Variants in FAM222B observed in about 807,000 individuals in gnomAD.
FAM222B encodes family with sequence similarity 222 member B.
A neutral mutation model predicts 38.0 loss-of-function variants in FAM222B; 12 were observed. The observed-to-expected ratio is 0.32, with a 90% confidence interval of 0.20 to 0.51. The LOEUF (loss-of-function observed/expected upper bound fraction) is 0.51. FAM222B is among the 20% of genes least tolerant of loss of function. The probability of loss-of-function intolerance (pLI) is 0.97; values close to 1 mark genes in which losing one functional copy is unlikely to be tolerated. For synonymous variants in FAM222B, 329 were observed against 317.2 expected, an observed-to-expected ratio of 1.04 and a Z score of -0.40; for missense variants, 716 against 754.2, an observed-to-expected ratio of 0.95 and a Z score of 0.59.
At chr17:28,772,697 C>T (rs922440094) in intron 1 of FAM222B, among the ~76,000 whole-genome samples, 1 of 151,982 alleles carries the variant, frequency 6.6e-6, no homozygotes, top group African/African-American at 2.4e-5. Flanking sequence ...GAGTTCGAGA[C>T]CAGCCTGGCC....
At chr17:28,793,937 C>A (rs962603765) in intron 1 of FAM222B, among the ~76,000 whole-genome samples, 2 of 151,936 alleles carry the variant, frequency 1.3e-5, no homozygotes, top group African/African-American at 4.8e-5. Flanking sequence ...TTAGTAGAGA[C>A]AGGGTTTCTC....
intron 1 of FAM222B, among the ~76,000 whole-genome samples, chr17:28,768,565 G>A (rs1387332155): frequency 6.6e-6 from 1 of 151,884 alleles, no homozygotes; most frequent in Non-Finnish European, 1.5e-5. Flanking sequence ...GGCCGGGCAC[G>A]GTGGCTCACA....
At chr17:28,764,291 A>C (rs2035226463) in intron 2 of FAM222B, among the ~76,000 whole-genome samples, 1 of 151,152 alleles carries the variant, frequency 6.6e-6, no homozygotes. Flanking sequence ...AAAAAAAAAA[A>C]AAAGGGCCGG....
At chr17:28,766,973 A>G (rs1199783675) in intron 1 of FAM222B, 2 of 353,706 alleles carry the variant, frequency 5.7e-6, no homozygotes, top group Non-Finnish European at 1.1e-5. Context: ...ATACAACTGG[A>G]AAGTACAGGT....
upstream of FAM222B, among the ~76,000 whole-genome samples, chr17:28,844,977 CCTGTAGTCCCAGCTA>C (rs1386662581): frequency 6.6e-6 from 1 of 151,818 alleles, no homozygotes; most frequent in African/African-American, 2.4e-5. Context: ...GTGGCATGCA[CCTGTAGTCCCAGCTA>C]CTCAGGAGGC....
chr17:28,790,779 T>A (rs530329186), intron 1 of FAM222B, among the ~76,000 whole-genome samples: 1 of 151,660 alleles, frequency 6.6e-6, no homozygotes, highest in Admixed American at 6.6e-5. Context: ...ACTAAAGTAT[T>A]CAAGGATGAT....
At chr17:28,825,161 A>T (rs141339459) in intron 1 of FAM222B, among the ~76,000 whole-genome samples, 2,261 of 151,926 alleles carry the variant, frequency 0.015, 37 homozygotes, top group South Asian at 0.066. Context: ...GGCTGGGTGC[A>T]GTGGCTCACG....
intron 1 of FAM222B, among the ~76,000 whole-genome samples, chr17:28,823,166 A>T (rs1039525920): frequency 3.9e-5 from 6 of 152,048 alleles, no homozygotes; most frequent in African/African-American, 1.4e-4. Flanking sequence ...TACCAAACAA[A>T]AACAAAAAAA....
chr17:28,763,269 G>A lies in FAM222B; in HGVS notation c.82+3317C>T, dbSNP rs565717814. ...CCTACTTCACAGAATTACTAAGATCGAGAGTCAATGAACATTTTCACTAAA... is the reference window on the plus strand; with the variant it reads ...CCTACTTCACAGAATTACTAAGATCAAGAGTCAATGAACATTTTCACTAAA... On this transcript the variant is annotated intron_variant, in intron 2 of 2. Transcript: ENST00000581407. Among the ~76,000 whole-genome samples the A allele has an allele frequency of 5.3e-5, 8 of 152,266 alleles. No homozygotes were observed. In the East Asian group the frequency reaches 9.7e-4, roughly 18 times the overall value.
chr17:28,854,868 C>G, intron 1 of FAM222B: 1 of 680,816 alleles, frequency 1.5e-6, no homozygotes, highest in Non-Finnish European at 2.4e-6. Context: ...TTCCCCTTTC[C>G]TTAGCCTCCA....
At chr17:28,796,375 C>T (rs1490188057) in intron 1 of FAM222B, among the ~76,000 whole-genome samples, 1 of 152,152 alleles carries the variant, frequency 6.6e-6, no homozygotes. Context: ...TCAGCAATTC[C>T]AGTTAATACC....
Position 28,770,531 on chromosome 17 carries a change from C to G in FAM222B, c.-40-3824G>C, listed in dbSNP as rs557838594. On this transcript the variant is annotated intron_variant, in intron 1 of 2. Coordinates refer to ENST00000581407, the MANE Select transcript of FAM222B (RefSeq NM_001077498.3). ...GATTCTCCTGCCTCAGCCTCCCAAG[C>G]AGCTGGGATTACAGGTATGCACCAC... 7.9e-5 allele frequency among the ~76,000 whole-genome samples: 12 copies of G among 151,656 alleles called. No individual in the cohort carries two copies. The South Asian group carries it at 2.5e-3, about 32-fold the overall frequency.
At chr17:28,774,861 G>T (rs915223159) in intron 1 of FAM222B, among the ~76,000 whole-genome samples, 4 of 151,808 alleles carry the variant, frequency 2.6e-5, no homozygotes, top group African/African-American at 9.7e-5. Context: ...AGAATCGCTT[G>T]AACTCGGGAG....
At chr17:28,799,236 G>C (rs1208576878) in intron 1 of FAM222B, among the ~76,000 whole-genome samples, 1 of 151,198 alleles carries the variant, frequency 6.6e-6, no homozygotes, top group Non-Finnish European at 1.5e-5. Flanking sequence ...GCCTCCCAAA[G>C]TGCTGGGATT....
At chr17:28,777,079 T>G (rs1324523889) in intron 1 of FAM222B, 1 of 152,166 alleles carries the variant, frequency 6.6e-6, no homozygotes, top group African/African-American at 2.4e-5. Flanking sequence ...CTCAAAGGCC[T>G]TTTTCTTCTC....
intron 1 of FAM222B, among the ~76,000 whole-genome samples, chr17:28,832,304 T>A (rs956937046): frequency 6.6e-6 from 1 of 152,250 alleles, no homozygotes; most frequent in Non-Finnish European, 1.5e-5. Flanking sequence ...TGCACAGCTG[T>A]TCTGAGATTT....
At chr17:28,763,137 T>C (rs2035166027) in intron 2 of FAM222B, among the ~76,000 whole-genome samples, 1 of 152,170 alleles carries the variant, frequency 6.6e-6, no homozygotes, top group Non-Finnish European at 1.5e-5. Context: ...AGGAAATCTG[T>C]AGTTTGTAAA....
At chr17:28,783,915 C>T (rs917900063) in intron 1 of FAM222B, among the ~76,000 whole-genome samples, 1 of 152,030 alleles carries the variant, frequency 6.6e-6, no homozygotes, top group Non-Finnish European at 1.5e-5. Context: ...TCTCCTGCCT[C>T]AGGCTCCCAA....
intron 1 of FAM222B, among the ~76,000 whole-genome samples, chr17:28,779,548 G>A (rs944438325): frequency 1.3e-5 from 2 of 151,908 alleles, no homozygotes; most frequent in African/African-American, 2.4e-5. Flanking sequence ...TCAGGAGATC[G>A]TGACCATCCT....
Sources: gnomAD v4.1 joint callset for allele counts (sites outside exome capture counted in the v4.1 genomes callset) on GRCh38, gnomAD v4.1.1 for gene constraint, MANE v1.5 for transcripts, NCBI Gene and HGNC (gene_info 2026-07-23, HGNC 2026-07-21) for gene names.